Variants in PCDHGA5 observed in about 807,000 individuals in gnomAD.
PCDHGA5 encodes protocadherin gamma subfamily A, 5, also known as protocadherin gamma-A5.
Under a neutral mutation model 56.7 loss-of-function variants are expected in PCDHGA5, and 36 were observed. The ratio of observed to expected loss-of-function variants is 0.64; its 90% CI spans 0.49 to 0.84. PCDHGA5 has a LOEUF of 0.84. PCDHGA5 is among the 40% of genes least tolerant of loss of function. The pLI is 0.00. For synonymous variants in PCDHGA5, 563 were observed against 520.2 expected (o/e 1.08, Z -1.12); for missense variants, 1,305 against 1,201.5 (o/e 1.09, Z -1.27).
At chr5:141,403,106 C>A (rs1311418325) in intron 1 of PCDHGA5, 1 of 1,614,066 alleles carries the variant, frequency 6.2e-7, no homozygotes. Context: ...CTCCAAGGAC[C>A]TGGCTCTGGA....
intron 1 of PCDHGA5, 152 bp downstream of exon 1, chr5:141,366,903 C>T (rs1018569016): frequency 6.8e-5 from 80 of 1,174,592 alleles, no homozygotes; most frequent in Non-Finnish European, 8.5e-5. Context: ...TTCATGCTTT[C>T]TCCATTTGTT....
At chr5:141,421,388 G>T in intron 1 of PCDHGA5, 17 of 1,614,052 alleles carry the variant, frequency 1.1e-5, no homozygotes, top group Non-Finnish European at 1.4e-5. Flanking sequence ...AAGGACCTGG[G>T]GCTGGAGCCC....
At chr5:141,492,448 G>T (rs2734874) in intron 1 of PCDHGA5, among the ~76,000 whole-genome samples, 50 of 152,334 alleles carry the variant, frequency 3.3e-4, no homozygotes, top group African/African-American at 1.2e-3. Context: ...GTAGCTGATT[G>T]TGCGCGCCTG....
chr5:141,501,964 A>G (rs1374872785), intron 2 of PCDHGA5, among the ~76,000 whole-genome samples: 1 of 151,854 alleles, frequency 6.6e-6, no homozygotes, highest in East Asian at 1.9e-4. Flanking sequence ...TCATCCTCCT[A>G]ACCTCTGGCA....
At position 141,431,982 on chromosome 5, in the gene PCDHGA5, T is replaced by G. The variant is rs2097433926; in HGVS notation, c.2422-62825T>G. The G allele has an allele frequency of 6.2e-7, 1 of 1,614,212 alleles. No homozygotes were observed. Among genetic ancestry groups the G allele is most frequent in the African/African-American group, 1.3e-5 (1 of 75,056 alleles). ...AATTACTATAGTTTAGTCACAGACA[T>G]AGTCTTGGATAGGGAACAGGTTCCT... On this transcript the variant is annotated intron_variant, in intron 1 of 3. Transcript: ENST00000518069. The surrounding 1 kb of genome is among the most constrained non-coding windows in gnomAD (Gnocchi z 4.8).
intron 1 of PCDHGA5, chr5:141,384,354 C>A (rs1437330360): frequency 6.2e-7 from 1 of 1,613,844 alleles, no homozygotes; most frequent in Non-Finnish European, 8.5e-7. Context: ...AGGATAATGC[C>A]CAGATCACTT....
At chr5:141,505,780 G>A (rs1595982811) in intron 3 of PCDHGA5, among the ~76,000 whole-genome samples, 1 of 139,456 alleles carries the variant, frequency 7.2e-6, no homozygotes, top group Non-Finnish European at 1.6e-5. Flanking sequence ...TCCTAGCTCT[G>A]CTACTATCCT....
At chr5:141,482,366 AT>A (rs1425349819) in intron 1 of PCDHGA5, among the ~76,000 whole-genome samples, 1 of 152,150 alleles carries the variant, frequency 6.6e-6, no homozygotes, top group Non-Finnish European at 1.5e-5. Flanking sequence ...GTGAAAAGTA[AT>A]GCATATAAAG....
chr5:141,477,644 T>A lies in PCDHGA5; in HGVS notation c.2422-17163T>A. On this transcript the variant is annotated intron_variant, in intron 1 of 3. Coordinates refer to ENST00000518069, the MANE Select transcript of PCDHGA5 (RefSeq NM_018918.3). The surrounding 1 kb of genome is among the most constrained non-coding windows in gnomAD (Gnocchi z 4.9). ...TGAAACCGGGCTAGTGGGTCGCTAT[T>A]TCACAATAAATCGTGACAATGGCAT... The A allele has an allele frequency of 6.2e-7, 1 of 1,614,200 alleles. No homozygotes were observed. Among genetic ancestry groups the A allele is most frequent in the Non-Finnish European group, 8.5e-7 (1 of 1,180,036 alleles).
At chr5:141,399,445 G>GATA in intron 1 of PCDHGA5, 1 of 1,614,032 alleles carries the variant, frequency 6.2e-7, no homozygotes, top group Non-Finnish European at 8.5e-7. Flanking sequence ...ACATATCAGA[G>GATA]ACGTCAACGA....
chr5:141,371,950 C>T (rs749822569), intron 1 of PCDHGA5: 2 of 1,613,286 alleles, frequency 1.2e-6, no homozygotes, highest in Non-Finnish European at 1.7e-6. Context: ...GCGCAGCGAG[C>T]CTTCGACCAC....
At chr5:141,437,761 C>G (rs1200327020) in intron 1 of PCDHGA5, among the ~76,000 whole-genome samples, 3 of 144,682 alleles carry the variant, frequency 2.1e-5, no homozygotes, top group Admixed American at 7.0e-5. Flanking sequence ...TTTTTTGAGA[C>G]AGAGTCTCAA....
Position 141,489,214 on chromosome 5 carries a change from T to TA in PCDHGA5, c.2422-5592dup, listed in dbSNP as rs771766565. On this transcript the variant is annotated intron_variant, in intron 1 of 3. Transcript: ENST00000518069. This position sits in a 1 kb window ranked among gnomAD's most constrained non-coding sequence, Gnocchi z 4.5. ...CCTTGGAGACAGGACAGCACAGACTTACTCTCCACAAAGGGACTTCTGGGT... is the reference window on the plus strand; with the variant it reads ...CCTTGGAGACAGGACAGCACAGACTTAACTCTCCACAAAGGGACTTCTGGGT... 216 of 1,480,534 alleles carry TA rather than the reference T, an allele frequency of 1.5e-4. 4 individuals are homozygous for TA. The South Asian group carries it at 2.1e-3, about 14-fold the overall frequency. 91.7% of individuals were successfully genotyped at this position (1,480,534 alleles called of 1,614,324 possible).
chr5:141,371,950 C>A (rs749822569), intron 1 of PCDHGA5: 2 of 1,613,286 alleles, frequency 1.2e-6, no homozygotes, highest in South Asian at 2.2e-5. Flanking sequence ...GCGCAGCGAG[C>A]CTTCGACCAC....
intron 1 of PCDHGA5, chr5:141,376,742 A>C (rs1191231453): frequency 2.1e-6 from 1 of 487,580 alleles, no homozygotes; most frequent in Non-Finnish European, 3.5e-6. Flanking sequence ...TGCGGACTGC[A>C]GTGGCGCAAT....
intron 1 of PCDHGA5, chr5:141,422,941 G>A (rs777535652): frequency 9.9e-6 from 16 of 1,614,218 alleles, no homozygotes; most frequent in East Asian, 4.5e-5. Context: ...CCCCACAGAC[G>A]GCTCCACTGG....
At chr5:141,384,470 A>G in intron 1 of PCDHGA5, 1 of 1,614,120 alleles carries the variant, frequency 6.2e-7, no homozygotes, top group South Asian at 1.1e-5. Context: ...GATTATGAGC[A>G]GTTGAGAGAA....
At position 141,486,182 on chromosome 5, in the gene PCDHGA5, C is replaced by G. The variant is rs1288782056; in HGVS notation, c.2422-8625C>G. On this transcript the variant is annotated intron_variant, in intron 1 of 3. Transcript: ENST00000518069. This position sits in a 1 kb window ranked among gnomAD's most constrained non-coding sequence, Gnocchi z 5.0. ...AGCCATGGAGCAACATTGCAGCCTT[C>G]GAGTGGATCTGCTGGACGTAAATGA... 1 of 1,614,198 alleles carries G rather than the reference C, an allele frequency of 6.2e-7. No individual in the cohort carries two copies. Among genetic ancestry groups the G allele is most frequent in the Non-Finnish European group, 8.5e-7 (1 of 1,180,028 alleles).
intron 1 of PCDHGA5, chr5:141,371,744 C>G (rs759273098): frequency 1.4e-5 from 23 of 1,613,922 alleles, no homozygotes; most frequent in East Asian, 8.9e-5. Flanking sequence ...ACAACGTTCC[C>G]GTTTTCCACC....
Sources: allele counts gnomAD v4.1 joint callset (sites outside exome capture counted in the v4.1 genomes callset), GRCh38; gene constraint gnomAD v4.1.1; non-coding constraint Gnocchi (gnomAD v3.1); transcripts MANE v1.5; gene names NCBI Gene and HGNC (gene_info 2026-07-23, HGNC 2026-07-21).